KCNAB2: variants seen among roughly 807,000 people sequenced by gnomAD.
KCNAB2 encodes the protein voltage-gated potassium channel subunit beta-2.
KCNAB2 carries 29 observed loss-of-function variants against 63.6 expected under a neutral mutation model. The observed-to-expected ratio is 0.46, with a 90% CI of 0.34 to 0.62. KCNAB2 has a LOEUF of 0.62. Ranked by LOEUF, KCNAB2 falls within the 20% of genes least tolerant of loss-of-function variation. The probability of loss-of-function intolerance (pLI) is 0.01; values close to 1 mark genes in which losing one functional copy is unlikely to be tolerated. For synonymous variants in KCNAB2, 222 were observed against 224.2 expected (o/e 0.99, Z 0.09); for missense variants, 359 against 563.9 (o/e 0.64, Z 3.68).
At chr1:6,093,627 A>G (rs764072215) in intron 10 of KCNAB2, among the ~76,000 whole-genome samples, 1 of 152,182 alleles carries the variant, frequency 6.6e-6, no homozygotes, top group Non-Finnish European at 1.5e-5. Flanking sequence ...TGGAGCCTCA[A>G]AACTGTCCTA....
Position 6,100,848 on chromosome 1 carries a change from G to A in KCNAB2, c.*2274G>A, listed in dbSNP as rs186503544. 6.6e-6 allele frequency: 1 copy of A among 152,434 alleles called. No individual in the cohort carries two copies. Among genetic ancestry groups the A allele is most frequent in the Non-Finnish European group, 1.5e-5 (1 of 68,100 alleles). 9.4% of individuals were successfully genotyped at this position (152,434 alleles called of 1,614,324 possible). The stretch of plus-strand genomic sequence containing the variant: ...GGGTAGGACCATCCAAGAAAGGGCA[G>A]AAGACCAAGGGCAGTCGGGGTCTAG... On this transcript the variant is annotated 3_prime_UTR_variant, in exon 16 of 16. Coordinates refer to ENST00000378083, the MANE Select transcript of KCNAB2 (RefSeq NM_001199862.2).
chr1:6,001,097 G>A (rs1387012223), intron 1 of KCNAB2, among the ~76,000 whole-genome samples: 1 of 152,172 alleles, frequency 6.6e-6, no homozygotes, highest in Non-Finnish European at 1.5e-5. Flanking sequence ...AGGGACAAGG[G>A]CAGGTAAGGA....
rs1664722779 is a variant in KCNAB2, at chr1:6,086,642, G to A, written c.426-825G>A. Among the ~76,000 whole-genome samples the A allele has an allele frequency of 6.6e-6, 1 of 152,122 alleles. No homozygotes were observed. The highest frequency in any genetic ancestry group is 1.5e-5 in the Non-Finnish European group (1 of 68,000). ...GGTCAAGGTCAAACGTGGCTGGGAG[G>A]GGCCATCATTATCCCCCATCCCACC... On this transcript the variant is annotated intron_variant, in intron 6 of 15. Transcript: ENST00000378083. The surrounding 1 kb of genome is among the most constrained non-coding windows in gnomAD (Gnocchi z 4.2).
At position 6,087,110 on chromosome 1, in the gene KCNAB2, A is replaced by G. The variant is rs936497785; in HGVS notation, c.426-357A>G. 5.3e-5 allele frequency among the ~76,000 whole-genome samples: 8 copies of G among 149,982 alleles called. No homozygotes were observed. Among genetic ancestry groups the G allele is most frequent in the Admixed American group, 5.3e-4 (8 of 15,104 alleles). On this transcript the variant is annotated intron_variant, in intron 6 of 15. Coordinates refer to ENST00000378083, the MANE Select transcript of KCNAB2 (RefSeq NM_001199862.2). This position sits in a 1 kb window ranked among gnomAD's most constrained non-coding sequence, Gnocchi z 6.4. ...AGCCTTGGCTCTTGCCACTTCCTCT[A>G]CCTGGATCAAATCCATGCACCCCTC... is the stretch of plus-strand genomic sequence containing the variant.
chr1:6,084,378 C>T (rs533115703), intron 5 of KCNAB2, among the ~76,000 whole-genome samples: 11 of 152,280 alleles, frequency 7.2e-5, no homozygotes, highest in South Asian at 2.1e-4. Context: ...GAGAGGGACA[C>T]GTGCACCCAC....
upstream of KCNAB2, among the ~76,000 whole-genome samples, chr1:6,033,266 T>C (rs1659768199): frequency 6.7e-6 from 1 of 149,940 alleles, no homozygotes; most frequent in African/African-American, 2.4e-5. Flanking sequence ...TGTGTGTGCC[T>C]GTGTGCATGT....
rs559809769 is a variant in KCNAB2, at chr1:6,078,082, G to T, written c.301-4113G>T. ...TTTCCCGGCCTAAGTCCAGGAGTCA[G>T]CCGGGCCGGGCTCCCTTCTCCAGGC... On this transcript the variant is annotated intron_variant, in intron 4 of 15. Coordinates refer to ENST00000378083, the MANE Select transcript of KCNAB2 (RefSeq NM_001199862.2). This position sits in a 1 kb window ranked among gnomAD's most constrained non-coding sequence, Gnocchi z 4.2. 4.7e-4 allele frequency among the ~76,000 whole-genome samples: 71 copies of T among 151,862 alleles called. No homozygotes were observed. Among genetic ancestry groups the T allele is most frequent in the African/African-American group, 1.7e-3 (69 of 41,460 alleles).
In KCNAB2 at chr1:6,100,370, G is replaced by A. The variant is rs1410310765; in HGVS notation, c.*1796G>A. 1 of 231,530 alleles carries A rather than the reference G, an allele frequency of 4.3e-6. No homozygotes were observed. Among genetic ancestry groups the A allele is most frequent in the African/African-American group, 2.3e-5 (1 of 44,262 alleles). The allele number at this position is 231,530 out of a possible 1,614,324, so 14.3% of individuals were successfully genotyped here. Reference sequence around the variant, plus strand: ...TCACCAGAAGCAGCCCTGTGAGTGTGGGGTGGGGAAGTCCCTTCCCAACGG... The same window carrying A: ...TCACCAGAAGCAGCCCTGTGAGTGTAGGGTGGGGAAGTCCCTTCCCAACGG... On this transcript the variant is annotated 3_prime_UTR_variant, in exon 16 of 16. Coordinates refer to ENST00000378083, the MANE Select transcript of KCNAB2 (RefSeq NM_001199862.2).
chr1:6,043,968 C>T (rs532547217), upstream of KCNAB2, among the ~76,000 whole-genome samples: 44 of 152,358 alleles, frequency 2.9e-4, no homozygotes, highest in African/African-American at 9.9e-4. Context: ...GTTGGATCCC[C>T]ATGTCCTCCA....
intron 10 of KCNAB2, among the ~76,000 whole-genome samples, chr1:6,093,016 C>T (rs1317423118): frequency 6.6e-6 from 1 of 152,216 alleles, no homozygotes; most frequent in African/African-American, 2.4e-5. Flanking sequence ...CAGGGAGCGA[C>T]CCCCAAAACA....
At position 6,094,410 on chromosome 1, in the gene KCNAB2, C is replaced by T. The variant is rs143905461; in HGVS notation, c.657C>T (p.Arg219=). Residue 219 remains arginine, a synonymous_variant, in exon 11 of 16, where the codon CGC becomes CGT. Coordinates refer to ENST00000378083, the MANE Select transcript of KCNAB2 (RefSeq NM_001199862.2). ...TTTCTCTCACGACAGAGACCGTCCG[C>T]GCCATGACCCACGTCATCAACCAGG... ...SRTFIIEETV[R]AMTHVINQGM... 1.1e-5 allele frequency: 18 copies of T among 1,610,276 alleles called. No homozygotes were observed. Among genetic ancestry groups the T allele is most frequent in the South Asian group, 4.4e-5 (4 of 90,396 alleles).
At chr1:6,033,409 T>A (rs1348165738), upstream of KCNAB2, among the ~76,000 whole-genome samples, 4 of 150,862 alleles carry the variant, frequency 2.7e-5, no homozygotes, top group African/African-American at 7.3e-5. Flanking sequence ...TGTGCCTGTA[T>A]GTGTGCATGT....
intron 1 of KCNAB2, among the ~76,000 whole-genome samples, chr1:6,000,427 C>T (rs1037007235): frequency 3.3e-5 from 5 of 152,160 alleles, no homozygotes; most frequent in South Asian, 2.1e-4. Context: ...TTACATCCTT[C>T]GTGCTTACAA....
At chr1:6,033,342 T>C (rs1321310519), upstream of KCNAB2, among the ~76,000 whole-genome samples, 1 of 131,224 alleles carries the variant, frequency 7.6e-6, no homozygotes, top group Non-Finnish European at 1.7e-5. Flanking sequence ...ATTGTGCATG[T>C]GTGTGTGTGC....
chr1:6,047,442 G>T (rs1000322292), intron 1 of KCNAB2, among the ~76,000 whole-genome samples: 2 of 152,120 alleles, frequency 1.3e-5, no homozygotes, highest in Admixed American at 1.3e-4. Context: ...TTCTTCCCCT[G>T]GGGCAGCCCT....
intron 1 of KCNAB2, among the ~76,000 whole-genome samples, chr1:6,025,529 G>C (rs984958893): frequency 6.6e-6 from 1 of 152,196 alleles, no homozygotes; most frequent in Non-Finnish European, 1.5e-5. Flanking sequence ...GAGAGGCCGC[G>C]GGGAGGGAGA....
intron 2 of KCNAB2, among the ~76,000 whole-genome samples, chr1:6,055,587 C>A (rs1252406438): frequency 1.3e-5 from 2 of 152,188 alleles, no homozygotes; most frequent in Non-Finnish European, 2.9e-5. Context: ...AACTCCTGAC[C>A]TCAGGTGATC....
chr1:6,096,881 C>T lies in KCNAB2; in HGVS notation c.1069+125C>T, dbSNP rs1557518987. On this transcript the variant is annotated intron_variant, in intron 14 of 15. Coordinates refer to ENST00000378083, the MANE Select transcript of KCNAB2 (RefSeq NM_001199862.2). This position sits in a 1 kb window ranked among gnomAD's most constrained non-coding sequence, Gnocchi z 5.9. The stretch of plus-strand genomic sequence containing the variant: ...GGGAGAGAGGGAAGGGATCCCTGGA[C>T]ATCATCCCCCAGCCAGCCTCGGGTA... The T allele has an allele frequency of 3.2e-6, 4 of 1,244,208 alleles. No homozygotes were observed. The South Asian group carries it at 6.3e-5, about 20-fold the overall frequency. The allele number at this position is 1,244,208 out of a possible 1,614,324, so 77.1% of individuals were successfully genotyped here.
At chr1:6,057,864 G>C (rs1661973395) in intron 2 of KCNAB2, among the ~76,000 whole-genome samples, 1 of 152,094 alleles carries the variant, frequency 6.6e-6, no homozygotes, top group African/African-American at 2.4e-5. Flanking sequence ...AAGAACACCA[G>C]TCATGGCCAG....
Sources: gnomAD v4.1 joint callset for allele counts (sites outside exome capture counted in the v4.1 genomes callset) on GRCh38, gnomAD v4.1.1 for gene constraint, Gnocchi (gnomAD v3.1) non-coding constraint, MANE v1.5 for transcripts, NCBI Gene and HGNC (gene_info 2026-07-23, HGNC 2026-07-21) for gene names.